ERBIN: variants seen among roughly 807,000 people sequenced by gnomAD.
ERBIN encodes the protein densin-180-like protein.
ERBIN carries 60 observed loss-of-function variants against 158.4 expected under a neutral mutation model. That is an observed-to-expected ratio of 0.38 (90% CI 0.31 to 0.47). The LOEUF (loss-of-function observed/expected upper bound fraction) is 0.47, where lower values mean the gene tolerates loss of function less well. Ranked by LOEUF, ERBIN falls within the 20% of genes least tolerant of loss-of-function variation. The probability of loss-of-function intolerance (pLI) is 0.99; values close to 1 mark genes in which losing one functional copy is unlikely to be tolerated. For synonymous variants in ERBIN, 594 were observed against 557.2 expected, an observed-to-expected ratio of 1.07 and a Z score of -0.93; for missense variants, 1,610 against 1,648.0, an observed-to-expected ratio of 0.98 and a Z score of 0.40.
chr5:66,033,849 C>G (rs962329058), intron 14 of ERBIN, among the ~76,000 whole-genome samples: 13 of 152,040 alleles, frequency 8.6e-5, no homozygotes, highest in Non-Finnish European at 4.4e-5. Context: ...TGGTTCATGC[C>G]TGTAGTCCCA....
In ERBIN at chr5:65,944,959, C is replaced by A. The variant is rs569357231; in HGVS notation, c.-58+18153C>A. 1.6e-4 allele frequency among the ~76,000 whole-genome samples: 24 copies of A among 151,844 alleles called. No homozygotes were observed. The East Asian group carries it at 2.3e-3, about 15-fold the overall frequency. On this transcript the variant is annotated intron_variant, in intron 1 of 25. Coordinates refer to ENST00000284037, the MANE Select transcript of ERBIN (RefSeq NM_001253697.2). ...TCTCTTGATAGTCTTTTTAAGAAAT[C>A]AAAAAGCAAATATCAAATTTAAAGA... is the stretch of plus-strand genomic sequence containing the variant.
chr5:65,995,817 G>A (rs1241473971), intron 4 of ERBIN, among the ~76,000 whole-genome samples: 1 of 152,062 alleles, frequency 6.6e-6, no homozygotes, highest in Non-Finnish European at 1.5e-5. Flanking sequence ...GCAGGTGTGA[G>A]GTTGTATCTC....
intron 22 of ERBIN, among the ~76,000 whole-genome samples, chr5:66,074,019 C>T (rs1761758348): frequency 6.7e-6 from 1 of 148,174 alleles, no homozygotes; most frequent in African/African-American, 2.5e-5. Flanking sequence ...GCTGGGACTA[C>T]AGGTGTGCAC....
intron 25 of ERBIN, 131 bp downstream of exon 25, chr5:66,077,080 G>GGCGGCACTTGCAGCGAGCCGAGATC: frequency 3.3e-6 from 2 of 612,602 alleles, no homozygotes; most frequent in Non-Finnish European, 5.6e-6. Flanking sequence ...GAACCCGGGA[G>GGCGGCACTTGCAGCGAGCCGAGATC]GCGGCACTTG....
Position 66,079,294 on chromosome 5 carries a change from A to C in ERBIN, c.*764A>C, listed in dbSNP as rs1321049599. On this transcript the variant is annotated 3_prime_UTR_variant, in exon 26 of 26. Coordinates refer to ENST00000284037, the MANE Select transcript of ERBIN (RefSeq NM_001253697.2). Reference sequence around the variant, plus strand: ...ATTTGCTACTGGTGATTCAGTTTTTAATTTTTTAGTCACAGGAAATTTTTA... The same window carrying C: ...ATTTGCTACTGGTGATTCAGTTTTTCATTTTTTAGTCACAGGAAATTTTTA... The C allele has an allele frequency of 6.6e-6, 1 of 152,052 alleles. No homozygotes were observed. The highest frequency in any genetic ancestry group is 1.5e-5 in the Non-Finnish European group (1 of 67,928). 9.4% of individuals were successfully genotyped at this position (152,052 alleles called of 1,614,324 possible). A position where few individuals can be genotyped will look rare whatever the true frequency, so the allele number is the denominator to read the frequency against.
At chr5:66,000,605 T>C (rs1019179400) in intron 4 of ERBIN, among the ~76,000 whole-genome samples, 1 of 152,168 alleles carries the variant, frequency 6.6e-6, no homozygotes, top group Non-Finnish European at 1.5e-5. Flanking sequence ...ACGTTACTTA[T>C]TGCTGCCAAT....
chr5:65,948,010 CAAA>C (rs34947340), intron 1 of ERBIN, among the ~76,000 whole-genome samples: 5 of 134,338 alleles, frequency 3.7e-5, no homozygotes, highest in East Asian at 2.2e-4. Context: ...AACTGCATTT[CAAA>C]AAAAAAAAAA....
At chr5:66,017,466 C>T (rs545033380) in intron 7 of ERBIN, among the ~76,000 whole-genome samples, 54 of 150,256 alleles carry the variant, frequency 3.6e-4, no homozygotes, top group Non-Finnish European at 6.4e-4. Context: ...GTCATTTGCA[C>T]GTCTTCTTTT....
At chr5:66,014,638 C>T (rs1234054638) in intron 6 of ERBIN, 31 bp from the exon 7 acceptor site, 6 of 1,041,040 alleles carry the variant, frequency 5.8e-6, no homozygotes, top group Non-Finnish European at 8.4e-6. Context: ...TGTCTTTGTC[C>T]TAAATACATG....
At chr5:65,953,929 A>G (rs549792891) in intron 1 of ERBIN, among the ~76,000 whole-genome samples, 1 of 152,252 alleles carries the variant, frequency 6.6e-6, no homozygotes, top group Non-Finnish European at 1.5e-5. Flanking sequence ...CCTCCCCCAA[A>G]CATTATAGAC....
intron 1 of ERBIN, among the ~76,000 whole-genome samples, chr5:65,933,465 TC>T (rs1438865594): frequency 6.6e-6 from 1 of 152,244 alleles, no homozygotes; most frequent in East Asian, 1.9e-4. Context: ...GGAGGCAGTC[TC>T]CTTTTTTCAT....
At chr5:66,049,751 A>G (rs1200934470) in intron 19 of ERBIN, among the ~76,000 whole-genome samples, 1 of 152,100 alleles carries the variant, frequency 6.6e-6, no homozygotes, top group African/African-American at 2.4e-5. Context: ...ATGTCTATAT[A>G]CACTATTTCT....
chr5:66,001,319 A>G (rs1752993253), intron 4 of ERBIN, among the ~76,000 whole-genome samples: 1 of 152,104 alleles, frequency 6.6e-6, no homozygotes, highest in African/African-American at 2.4e-5. Context: ...TTTCAGATTC[A>G]TTAGCTGTTG....
chr5:66,070,713 T>C (rs1337740623), intron 21 of ERBIN, among the ~76,000 whole-genome samples: 1 of 152,210 alleles, frequency 6.6e-6, no homozygotes, highest in African/African-American at 2.4e-5. Context: ...AAGTATTCAT[T>C]GCATAAATAC....
chr5:65,983,279 C>T (rs1750844374), intron 1 of ERBIN, among the ~76,000 whole-genome samples: 2 of 152,116 alleles, frequency 1.3e-5, no homozygotes, highest in South Asian at 4.1e-4. Flanking sequence ...ATGATCTAGC[C>T]ATCAACATCT....
At position 65,940,629 on chromosome 5, in the gene ERBIN, C is replaced by T. The variant is rs372436092; in HGVS notation, c.-58+13823C>T. Among the ~76,000 whole-genome samples, 159 of 19,988 alleles carry T rather than the reference C, an allele frequency of 8.0e-3. 20 individuals carry two copies. Among genetic ancestry groups the T allele is most frequent in the African/African-American group, 0.019 (130 of 6,714 alleles). The allele number at this position is 19,988 out of a possible 152,430, so 13.1% of individuals were successfully genotyped here. A position where few individuals can be genotyped will look rare whatever the true frequency, so the allele number is the denominator to read the frequency against. On this transcript the variant is annotated intron_variant, in intron 1 of 25. Coordinates refer to ENST00000284037, the MANE Select transcript of ERBIN (RefSeq NM_001253697.2). The stretch of plus-strand genomic sequence containing the variant: ...AGCCCCTCTGCCCGGCCAGCCGCCC[C>T]GTCCGGGAGGGAGGTGGGGGGTCAG...
intron 21 of ERBIN, chr5:66,068,959 G>C: frequency 6.5e-7 from 1 of 1,535,748 alleles, no homozygotes; most frequent in Non-Finnish European, 8.7e-7. Flanking sequence ...CTGCATGGCA[G>C]CCAGGGCAGT....
Position 66,080,898 on chromosome 5 carries a change from G to GAGTA in ERBIN, c.*2369_*2372dup, listed in dbSNP as rs1190889295. ...GTTGCGTAAGAAACTTTACCAAGAGGAGTATTATAGCCAAGTTTTCTTTGA... is the reference window on the plus strand; with the variant it reads ...GTTGCGTAAGAAACTTTACCAAGAGGAGTAAGTATTATAGCCAAGTTTTCTTTGA... On this transcript the variant is annotated 3_prime_UTR_variant, in exon 26 of 26. Transcript: ENST00000284037. 1 of 151,920 alleles carries GAGTA rather than the reference G, an allele frequency of 6.6e-6. No individual in the cohort carries two copies. The highest frequency in any genetic ancestry group is 6.6e-5 in the Admixed American group (1 of 15,264). 9.4% of individuals were successfully genotyped at this position (151,920 alleles called of 1,614,324 possible).
At chr5:65,926,988 C>G (rs980265346) in intron 1 of ERBIN, among the ~76,000 whole-genome samples, 182 bp downstream of exon 1, 31 of 151,856 alleles carry the variant, frequency 2.0e-4, no homozygotes, top group African/African-American at 7.5e-4. Flanking sequence ...CGCGTCCCTT[C>G]TCCCCCCTGC....
Sources: gnomAD v4.1 joint callset for allele counts (sites outside exome capture counted in the v4.1 genomes callset) on GRCh38, gnomAD v4.1.1 for gene constraint, MANE v1.5 for transcripts, NCBI Gene and HGNC (gene_info 2026-07-23, HGNC 2026-07-21) for gene names.